The following HIP1 variants were observed in gnomAD, a reference collection of about 807,000 sequenced individuals.
HIP1 encodes the protein huntingtin-interacting protein 1.
A neutral mutation model predicts 147.6 loss-of-function variants in HIP1; 65 were observed. That is an observed-to-expected ratio of 0.44 (90% CI 0.36 to 0.54). HIP1 has a LOEUF of 0.54. Ranked by LOEUF, HIP1 falls within the 20% of genes least tolerant of loss-of-function variation. The pLI is 0.00. For synonymous variants in HIP1, 479 were observed against 504.0 expected, an observed-to-expected ratio of 0.95 and a Z score of 0.67; for missense variants, 1,061 against 1,299.6, an observed-to-expected ratio of 0.82 and a Z score of 2.82.
rs1308268278 is a variant in HIP1 at position 75,609,295 on chromosome 7, C to T, written c.121-10048G>A. The stretch of plus-strand genomic sequence containing the variant: ...CACTCTATGGTTTGGGGCCCATTGC[C>T]GAGTCTGTGGCAAGGCTTCTTGGGG... On this transcript the variant is annotated intron_variant, in intron 1 of 30. Transcript: ENST00000336926. Among the ~76,000 whole-genome samples, 4 of 152,120 alleles carry T rather than the reference C, an allele frequency of 2.6e-5. 1 individual carries two copies. Among genetic ancestry groups the T allele is most frequent in the Admixed American group, 1.3e-4 (2 of 15,254 alleles).
intron 1 of HIP1, among the ~76,000 whole-genome samples, chr7:75,693,820 AAAAT>A (rs1294469776): frequency 6.6e-6 from 1 of 152,018 alleles, no homozygotes; most frequent in Non-Finnish European, 1.5e-5. Context: ...AGAAAGAAAG[AAAAT>A]AAATCACTCC....
intron 1 of HIP1, among the ~76,000 whole-genome samples, chr7:75,691,913 A>G (rs1800465752): frequency 6.6e-6 from 1 of 152,010 alleles, no homozygotes. Flanking sequence ...TGTGATGGGC[A>G]CTATGGTTTC....
chr7:75,622,124 T>C (rs1252163579), intron 1 of HIP1, among the ~76,000 whole-genome samples: 2 of 151,432 alleles, frequency 1.3e-5, no homozygotes, highest in African/African-American at 4.9e-5. Flanking sequence ...CTACTAAAAA[T>C]ACAAAAATTA....
At chr7:75,698,157 T>C (rs1207507294) in intron 1 of HIP1, among the ~76,000 whole-genome samples, 4 of 152,100 alleles carry the variant, frequency 2.6e-5, no homozygotes, top group African/African-American at 9.7e-5. Flanking sequence ...CTATGTAAAG[T>C]ATCCTCCCAA....
intron 1 of HIP1, among the ~76,000 whole-genome samples, chr7:75,620,448 A>G (rs1797809178): frequency 6.6e-6 from 1 of 151,168 alleles, no homozygotes; most frequent in African/African-American, 2.4e-5. Flanking sequence ...TCACTTTGGG[A>G]GGCCAAGGTG....
At chr7:75,651,078 A>C (rs1798963187) in intron 1 of HIP1, among the ~76,000 whole-genome samples, 1 of 151,994 alleles carries the variant, frequency 6.6e-6, no homozygotes, top group African/African-American at 2.4e-5. Flanking sequence ...CTGCAACCAA[A>C]GCCATTTAGC....
intron 4 of HIP1, among the ~76,000 whole-genome samples, chr7:75,588,645 A>C (rs1796367940): frequency 6.6e-6 from 1 of 151,928 alleles, no homozygotes. Flanking sequence ...TTGGTGGTGC[A>C]CACCTGTTTT....
At chr7:75,737,385 C>G (rs1374671653) in intron 1 of HIP1, among the ~76,000 whole-genome samples, 2 of 151,950 alleles carry the variant, frequency 1.3e-5, no homozygotes, top group Admixed American at 1.3e-4. Context: ...CTCTTGTTGC[C>G]CAGGCTGGAG....
intron 4 of HIP1, among the ~76,000 whole-genome samples, chr7:75,590,718 G>A (rs1461222958): frequency 3.4e-4 from 52 of 152,262 alleles, no homozygotes; most frequent in Middle Eastern, 3.4e-3. Flanking sequence ...AAAAGATGGA[G>A]AAATATATAC....
intron 1 of HIP1, among the ~76,000 whole-genome samples, chr7:75,653,949 G>A (rs936719760): frequency 3.3e-5 from 5 of 152,142 alleles, no homozygotes; most frequent in Non-Finnish European, 5.9e-5. Flanking sequence ...TTTGAGTGCT[G>A]GGCACACAAG....
chr7:75,539,658 T>C (rs1056694894), intron 29 of HIP1, among the ~76,000 whole-genome samples: 1 of 152,136 alleles, frequency 6.6e-6, no homozygotes, highest in Non-Finnish European at 1.5e-5. Context: ...TTCTGCTGCA[T>C]TGTGAATTCC....
chr7:75,562,203 CAG>C lies in HIP1; in HGVS notation c.1021-35_1021-34del, dbSNP rs782178185. On this transcript the variant is annotated intron_variant, in intron 11 of 30. Coordinates refer to ENST00000336926, the MANE Select transcript of HIP1 (RefSeq NM_005338.7). ...TGACCAAAAAGGAGTGAGAATAAGTCAGAGAGCCAGAGAATTCTGTGTGTGGG... is the reference window on the plus strand; with the variant it reads ...TGACCAAAAAGGAGTGAGAATAAGTCAGAGCCAGAGAATTCTGTGTGTGGG... 2.9e-6 allele frequency: 4 copies of C among 1,385,822 alleles called. No homozygotes were observed. The African/African-American group carries it at 5.7e-5, about 20-fold the overall frequency. The allele number at this position is 1,385,822 out of a possible 1,614,324, so 85.8% of individuals were successfully genotyped here.
chr7:75,545,056 TG>T (rs781942556), intron 26 of HIP1, 31 bp downstream of exon 26: 28 of 1,324,198 alleles, frequency 2.1e-5, no homozygotes, highest in Admixed American at 4.1e-5. Flanking sequence ...AGAGGGGTCA[TG>T]GGAGGACCCT....
At chr7:75,724,001 T>C (rs1563314259) in intron 1 of HIP1, among the ~76,000 whole-genome samples, 1 of 151,870 alleles carries the variant, frequency 6.6e-6, no homozygotes, top group South Asian at 2.1e-4. Context: ...CTGTCACCCA[T>C]GCTGGAGTAC....
chr7:75,669,561 C>CA (rs1327667703), intron 1 of HIP1, among the ~76,000 whole-genome samples: 11 of 123,290 alleles, frequency 8.9e-5, no homozygotes, highest in African/African-American at 2.7e-4. Context: ...GACTCTGTCT[C>CA]AAAAAAACAA....
At chr7:75,716,520 A>AC (rs1425623794) in intron 1 of HIP1, among the ~76,000 whole-genome samples, 2 of 119,562 alleles carry the variant, frequency 1.7e-5, no homozygotes, top group African/African-American at 6.8e-5. Context: ...CCGTGCCTGG[A>AC]CTTTTTTTTT....
At chr7:75,730,557 T>A (rs545031140) in intron 1 of HIP1, among the ~76,000 whole-genome samples, 2 of 151,826 alleles carry the variant, frequency 1.3e-5, no homozygotes, top group Non-Finnish European at 2.9e-5. Flanking sequence ...CAGGCTGGTC[T>A]TGAACACCTG....
At chr7:75,541,725 CA>C (rs34842470) in intron 29 of HIP1, among the ~76,000 whole-genome samples, 193 bp downstream of exon 29, 42 of 146,826 alleles carry the variant, frequency 2.9e-4, no homozygotes, top group African/African-American at 7.5e-4. Flanking sequence ...ACAAGACAAA[CA>C]AAAAAAAAAA....
chr7:75,549,462 C>T (rs587697695), intron 22 of HIP1, among the ~76,000 whole-genome samples: 31 of 151,684 alleles, frequency 2.0e-4, no homozygotes, highest in Non-Finnish European at 4.0e-4. Context: ...CCTCCGCCTC[C>T]CGGGCTCAAG....
Sources: gnomAD v4.1 joint callset for allele counts (sites outside exome capture counted in the v4.1 genomes callset) on GRCh38, gnomAD v4.1.1 for gene constraint, MANE v1.5 for transcripts, NCBI Gene and HGNC (gene_info 2026-07-23, HGNC 2026-07-21) for gene names.